The following ZC3H12B variants were observed in gnomAD, a reference collection of about 807,000 sequenced individuals.
ZC3H12B encodes the protein zinc finger CCCH-type containing 12B.
Under a neutral mutation model 43.9 loss-of-function variants are expected in ZC3H12B, and 7 were observed. The ratio of observed to expected loss-of-function variants is 0.16; its 90% CI spans 0.09 to 0.30. The LOEUF is 0.30. ZC3H12B is among the 10% of genes least tolerant of loss of function. The pLI is 1.00. For missense variants in ZC3H12B, 475 were observed against 670.2 expected, an observed-to-expected ratio of 0.71 and a Z score of 3.22; for synonymous variants, 222 against 241.7, an observed-to-expected ratio of 0.92 and a Z score of 0.76.
chrX:65,274,468 G>C, the ZC3H12B span, among the ~76,000 whole-genome samples: 2 of 110,392 alleles, frequency 1.8e-5, no homozygotes, highest in African/African-American at 3.3e-5. Context: ...AACCCCAGCT[G>C]TGTGGAGCCT....
the ZC3H12B span, among the ~76,000 whole-genome samples, chrX:65,131,366 G>T: frequency 9.0e-6 from 1 of 111,475 alleles, no homozygotes; most frequent in Non-Finnish European, 1.9e-5. Context: ...ACAGTCATGG[G>T]GGTGGAGGCC....
chrX:65,050,194 A>G, the ZC3H12B span, among the ~76,000 whole-genome samples: 1 of 110,394 alleles, frequency 9.1e-6, no homozygotes, highest in African/African-American at 3.3e-5. Context: ...AATTGTCCTG[A>G]TTTTTTTGGA....
chrX:65,325,551 C>T, the ZC3H12B span, among the ~76,000 whole-genome samples: 1 of 109,820 alleles, frequency 9.1e-6, no homozygotes, highest in African/African-American at 3.3e-5. Flanking sequence ...TTAACCAAAG[C>T]AAATGATCTA....
chrX:65,244,618 G>T, the ZC3H12B span, among the ~76,000 whole-genome samples: 100 of 103,941 alleles, frequency 9.6e-4, no homozygotes, highest in Non-Finnish European at 1.7e-3. Flanking sequence ...TGCACCTGTG[G>T]TCTCGAGAGG....
At chrX:65,285,313 C>A in the ZC3H12B span, among the ~76,000 whole-genome samples, 1 of 110,247 alleles carries the variant, frequency 9.1e-6, no homozygotes, top group Middle Eastern at 4.2e-3. Flanking sequence ...TGGTATCATT[C>A]TCATGCCTTC....
At chrX:65,161,636 T>C in the ZC3H12B span, among the ~76,000 whole-genome samples, 8 of 111,972 alleles carry the variant, frequency 7.1e-5, no homozygotes, top group East Asian at 2.2e-3. Flanking sequence ...TGCATCCTTT[T>C]ATTTTGAGTC....
chrX:65,473,034 A>G (rs1346181319), intron 3 of ZC3H12B, among the ~76,000 whole-genome samples: 1 of 96,553 alleles, frequency 1.0e-5, no homozygotes, highest in Non-Finnish European at 2.0e-5. Flanking sequence ...GTTTTTTGAG[A>G]CAGAGTTTTA....
At chrX:65,280,123 C>A in the ZC3H12B span, among the ~76,000 whole-genome samples, 2 of 111,909 alleles carry the variant, frequency 1.8e-5, no homozygotes, top group African/African-American at 3.2e-5. Flanking sequence ...CATGTCAATA[C>A]CCCTGACAAA....
At chrX:65,087,569 A>C in the ZC3H12B span, among the ~76,000 whole-genome samples, 1 of 110,971 alleles carries the variant, frequency 9.0e-6, no homozygotes, top group Admixed American at 9.5e-5. Flanking sequence ...GACTAGATGC[A>C]CAATCAGAGA....
chrX:65,071,374 T>G, the ZC3H12B span, among the ~76,000 whole-genome samples: 2 of 108,526 alleles, frequency 1.8e-5, no homozygotes, highest in Admixed American at 9.8e-5. Flanking sequence ...ATGGGTCTCT[T>G]GAAAACACCA....
chrX:65,256,617 C>A, the ZC3H12B span, among the ~76,000 whole-genome samples: 3 of 111,388 alleles, frequency 2.7e-5, no homozygotes, highest in African/African-American at 9.8e-5. Context: ...CATAACATTT[C>A]ACCTAGAGGA....
At chrX:65,238,941 C>G in the ZC3H12B span, among the ~76,000 whole-genome samples, 1 of 111,985 alleles carries the variant, frequency 8.9e-6, no homozygotes, top group Non-Finnish European at 1.9e-5. Context: ...GTGCTGTGGT[C>G]TGAAAGACTT....
At chrX:65,121,886 G>A in the ZC3H12B span, among the ~76,000 whole-genome samples, 1 of 111,468 alleles carries the variant, frequency 9.0e-6, no homozygotes, top group African/African-American at 3.3e-5. Flanking sequence ...CTTTATTTCT[G>A]CCTTCATTTC....
chrX:65,349,105 A>T, the ZC3H12B span, among the ~76,000 whole-genome samples: 1,464 of 111,881 alleles, frequency 0.013, 54 homozygotes, highest in Admixed American at 0.1. Context: ...TCTATAATTG[A>T]CCACGTAATT....
the ZC3H12B span, among the ~76,000 whole-genome samples, chrX:65,247,115 C>T: frequency 3.6e-5 from 4 of 111,511 alleles, no homozygotes; most frequent in African/African-American, 6.5e-5. Flanking sequence ...TCAATACATG[C>T]GACCATCAAT....
chrX:65,146,175 A>G, the ZC3H12B span, among the ~76,000 whole-genome samples: 1 of 110,004 alleles, frequency 9.1e-6, no homozygotes, highest in African/African-American at 3.3e-5. Context: ...CTTTGTTCAT[A>G]TTTTCTTATT....
the ZC3H12B span, among the ~76,000 whole-genome samples, chrX:65,058,274 T>C: frequency 8.9e-6 from 1 of 112,202 alleles, no homozygotes; most frequent in East Asian, 2.8e-4. Context: ...TGGATGTCCT[T>C]TCTGTTTGTT....
At chrX:65,410,523 A>G (rs2066892238) in intron 3 of ZC3H12B, among the ~76,000 whole-genome samples, 1 of 112,143 alleles carries the variant, frequency 8.9e-6, no homozygotes, top group South Asian at 3.7e-4. Flanking sequence ...CAAAGTGAAG[A>G]GACAACCCAC....
chrX:65,050,027 A>G, the ZC3H12B span, among the ~76,000 whole-genome samples: 2 of 111,214 alleles, frequency 1.8e-5, no homozygotes, highest in Non-Finnish European at 3.8e-5. Context: ...AATTTTTATT[A>G]AGATTTCCTG....
Sources: gnomAD v4.1 joint callset for allele counts (sites outside exome capture counted in the v4.1 genomes callset) on GRCh38, gnomAD v4.1.1 for gene constraint, MANE v1.5 for transcripts, NCBI Gene and HGNC (gene_info 2026-07-23, HGNC 2026-07-21) for gene names.